Variants in EIPR1 observed in about 807,000 individuals in gnomAD.
EIPR1 encodes the protein EARP complex and GARP complex interacting protein 1, also known as EARP and GARP complex-interacting protein 1.
Under a neutral mutation model 48.1 loss-of-function variants are expected in EIPR1, and 25 were observed. The ratio of observed to expected loss-of-function variants is 0.52; its 90% CI spans 0.38 to 0.73. The LOEUF (loss-of-function observed/expected upper bound fraction) is 0.73, where lower values mean the gene tolerates loss of function less well. EIPR1 is among the 30% of genes least tolerant of loss of function. The pLI, the probability that EIPR1 is intolerant of heterozygous loss-of-function variation, is 0.00. For synonymous variants in EIPR1, 204 were observed against 201.9 expected, an observed-to-expected ratio of 1.01 and a Z score of -0.09; for missense variants, 415 against 506.2, an observed-to-expected ratio of 0.82 and a Z score of 1.73.
chr2:3,354,259 C>T (rs1670663914), intron 2 of EIPR1, among the ~76,000 whole-genome samples: 1 of 152,226 alleles, frequency 6.6e-6, no homozygotes, highest in South Asian at 2.1e-4. Context: ...GTGGTGACCA[C>T]ATATCCTTGC....
At chr2:3,256,854 C>T (rs970932867) in intron 4 of EIPR1, among the ~76,000 whole-genome samples, 7 of 152,230 alleles carry the variant, frequency 4.6e-5, no homozygotes, top group African/African-American at 9.6e-5. Flanking sequence ...CGGACACGGG[C>T]GGGCTTGGGC....
intron 4 of EIPR1, among the ~76,000 whole-genome samples, chr2:3,253,460 G>T (rs1455287902): frequency 6.6e-6 from 1 of 152,136 alleles, no homozygotes; most frequent in Non-Finnish European, 1.5e-5. Context: ...ACTCTTGGTG[G>T]ACACCATGTA....
chr2:3,206,343 G>A (rs553587695), intron 5 of EIPR1, among the ~76,000 whole-genome samples: 1 of 152,332 alleles, frequency 6.6e-6, no homozygotes, highest in East Asian at 1.9e-4. Flanking sequence ...CACCCAGCTT[G>A]AATGGGACAC....
intron 5 of EIPR1, among the ~76,000 whole-genome samples, chr2:3,206,752 T>A (rs997799800): frequency 3.9e-5 from 6 of 152,162 alleles, no homozygotes; most frequent in East Asian, 3.9e-4. Context: ...CAGAATTATT[T>A]TTTTTTTACC....
intron 4 of EIPR1, among the ~76,000 whole-genome samples, chr2:3,243,832 GGCTGTGACGTACAGGGCATGGCTCT>G (rs1245509093): frequency 3.3e-5 from 5 of 152,158 alleles, no homozygotes; most frequent in South Asian, 2.1e-4. Context: ...GGCAGATATG[GGCTGTGACGTACAGGGCATGGCTCT>G]GCTGTGACGT....
At chr2:3,331,209 T>C (rs72765352) in intron 3 of EIPR1, among the ~76,000 whole-genome samples, 7,406 of 103,872 alleles carry the variant, frequency 0.071, 1,549 homozygotes, top group East Asian at 0.13. Flanking sequence ...CAGAGGCAGG[T>C]GTGTATACAC....
At chr2:3,295,490 C>A (rs113455406) in intron 3 of EIPR1, among the ~76,000 whole-genome samples, 21 of 113,016 alleles carry the variant, frequency 1.9e-4, no homozygotes, top group Middle Eastern at 8.9e-3. Context: ...TCCAGCCCAT[C>A]CTCTCTGCAC....
intron 2 of EIPR1, among the ~76,000 whole-genome samples, chr2:3,353,844 C>T (rs1203251592): frequency 6.6e-6 from 1 of 152,148 alleles, no homozygotes; most frequent in African/African-American, 2.4e-5. Flanking sequence ...ATGCCATTTC[C>T]CCTGTGTGAT....
chr2:3,289,237 A>G (rs1035759600), intron 3 of EIPR1, among the ~76,000 whole-genome samples: 2 of 151,990 alleles, frequency 1.3e-5, no homozygotes, highest in Non-Finnish European at 2.9e-5. Context: ...TTTCTTCTCA[A>G]TCATTTCGCT....
At chr2:3,318,176 G>A (rs935724242) in intron 3 of EIPR1, among the ~76,000 whole-genome samples, 11 of 152,258 alleles carry the variant, frequency 7.2e-5, no homozygotes, top group East Asian at 1.9e-4. Flanking sequence ...CCAGCAGGCC[G>A]CAGAAGAGCG....
At chr2:3,368,752 T>G (rs1344559631) in intron 1 of EIPR1, among the ~76,000 whole-genome samples, 1 of 152,244 alleles carries the variant, frequency 6.6e-6, no homozygotes, top group Non-Finnish European at 1.5e-5. Flanking sequence ...GAAAATGGAT[T>G]TCTACTGAGC....
chr2:3,340,929 T>C (rs1670220186), intron 2 of EIPR1, among the ~76,000 whole-genome samples: 2 of 151,572 alleles, frequency 1.3e-5, no homozygotes, highest in African/African-American at 4.8e-5. Context: ...AAACCCCATC[T>C]CTACTAAAAA....
chr2:3,266,874 C>A (rs1309632417), intron 3 of EIPR1, among the ~76,000 whole-genome samples: 1 of 152,202 alleles, frequency 6.6e-6, no homozygotes, highest in East Asian at 1.9e-4. Context: ...AGAAAGCTGG[C>A]CCGATGACCA....
chr2:3,364,524 A>C (rs1356684104), intron 1 of EIPR1, among the ~76,000 whole-genome samples: 1 of 151,446 alleles, frequency 6.6e-6, no homozygotes, highest in Non-Finnish European at 1.5e-5. Flanking sequence ...AGTCCCAGCC[A>C]CTCTAGGGCC....
chr2:3,216,720 ACT>A (rs1316687116), intron 4 of EIPR1, among the ~76,000 whole-genome samples: 7 of 151,836 alleles, frequency 4.6e-5, no homozygotes, highest in Middle Eastern at 3.4e-3. Context: ...ATCTATTAAA[ACT>A]CTTCTATGTT....
In EIPR1 at chr2:3,194,002, T is replaced by C. The variant is rs778610165; in HGVS notation, c.818A>G (p.His273Arg). The C allele has an allele frequency of 6.2e-7, 1 of 1,613,554 alleles. No individual in the cohort carries two copies. Among genetic ancestry groups the C allele is most frequent in the East Asian group, 2.2e-5 (1 of 44,868 alleles). ...EPVKTLEEHS[H>R]WVWNVRYNHS... ...AAGCAGCCAGGAGCGGCCCTACCAG[T>C]GGGAGTGCTCCTCCAGGGTCTTCAC... Residue 273 changes from histidine to arginine, a missense_variant, in exon 7 of 9, where the codon CAC becomes CGC. Transcript: ENST00000382125.
chr2:3,213,972 G>T (rs1389468957), intron 5 of EIPR1, among the ~76,000 whole-genome samples, 177 bp downstream of exon 5: 8 of 152,012 alleles, frequency 5.3e-5, no homozygotes, highest in Non-Finnish European at 8.8e-5. Context: ...TTTACATTAG[G>T]TATGTCTCCT....
chr2:3,262,151 G>A (rs949337992), intron 3 of EIPR1: 2 of 152,388 alleles, frequency 1.3e-5, no homozygotes, highest in African/African-American at 4.8e-5. Context: ...TCCCAATGAA[G>A]AAAGAAGATG....
intron 7 of EIPR1, among the ~76,000 whole-genome samples, chr2:3,193,342 T>C (rs1030008787): frequency 6.6e-5 from 10 of 152,242 alleles, no homozygotes; most frequent in South Asian, 4.1e-4. Flanking sequence ...CCTCTTTGAC[T>C]TGGGGAGGAT....
Sources: gnomAD v4.1 joint callset for allele counts (sites outside exome capture counted in the v4.1 genomes callset) on GRCh38, gnomAD v4.1.1 for gene constraint, MANE v1.5 for transcripts, NCBI Gene and HGNC (gene_info 2026-07-23, HGNC 2026-07-21) for gene names.